The following MAP3K7CL variants were observed in gnomAD, a reference collection of about 807,000 sequenced individuals.
MAP3K7CL encodes the protein MAP3K7 C-terminal-like protein.
Under a neutral mutation model 18.6 loss-of-function variants are expected in MAP3K7CL, and 16 were observed. The observed-to-expected ratio is 0.86, with a 90% CI of 0.58 to 1.31. The LOEUF (loss-of-function observed/expected upper bound fraction) is 1.31. MAP3K7CL is among the 50% of genes most tolerant of loss of function. The pLI is 0.00. For missense variants in MAP3K7CL, 163 were observed against 174.4 expected (o/e 0.93, Z 0.37); for synonymous variants, 65 against 66.8 (o/e 0.97, Z 0.13).
intron 2 of MAP3K7CL, among the ~76,000 whole-genome samples, chr21:29,148,426 T>A (rs1315138858): frequency 6.6e-6 from 1 of 152,088 alleles, no homozygotes; most frequent in Admixed American, 6.6e-5. Context: ...TTGAAGAGAT[T>A]GGGGGTGACT....
intron 4 of MAP3K7CL, among the ~76,000 whole-genome samples, chr21:29,163,326 T>C (rs945370258): frequency 6.6e-6 from 1 of 152,178 alleles, no homozygotes; most frequent in African/African-American, 2.4e-5. Flanking sequence ...ATTGGCTAGA[T>C]GTAGGGCCAA....
At chr21:29,170,553 A>C (rs2087799810) in intron 4 of MAP3K7CL, among the ~76,000 whole-genome samples, 1 of 152,186 alleles carries the variant, frequency 6.6e-6, no homozygotes, top group Non-Finnish European at 1.5e-5. Flanking sequence ...TATATGACAC[A>C]AGTAATTTGA....
At chr21:29,085,750 A>G (rs1217130542), upstream of MAP3K7CL, 17 of 1,009,758 alleles carry the variant, frequency 1.7e-5, no homozygotes, top group Non-Finnish European at 2.7e-5. Context: ...CATGGTTAGT[A>G]TGTTGTTTGA....
intron 2 of MAP3K7CL, among the ~76,000 whole-genome samples, chr21:29,139,682 T>G (rs1389468416): frequency 6.6e-6 from 1 of 152,076 alleles, no homozygotes; most frequent in Non-Finnish European, 1.5e-5. Context: ...CCTCCAGGGT[T>G]CAAGCCATTC....
chr21:29,105,590 C>A (rs1342356836), intron 4 of MAP3K7CL, among the ~76,000 whole-genome samples: 1 of 152,046 alleles, frequency 6.6e-6, no homozygotes, highest in Non-Finnish European at 1.5e-5. Flanking sequence ...GCAAGAGATT[C>A]CAGGCAGTGG....
intron 4 of MAP3K7CL, among the ~76,000 whole-genome samples, chr21:29,170,678 C>G (rs1300867523): frequency 6.6e-6 from 1 of 151,062 alleles, no homozygotes; most frequent in Admixed American, 6.6e-5. Context: ...CTCACTCTGT[C>G]GCCCAGGCAG....
At chr21:29,081,285 C>T (rs1368424982), upstream of MAP3K7CL, among the ~76,000 whole-genome samples, 2 of 152,220 alleles carry the variant, frequency 1.3e-5, no homozygotes, top group East Asian at 1.9e-4. Flanking sequence ...CGTGGTGGCT[C>T]ACGCCTATAA....
At chr21:29,147,688 ATGTG>A (rs2087167626) in intron 2 of MAP3K7CL, among the ~76,000 whole-genome samples, 1 of 151,148 alleles carries the variant, frequency 6.6e-6, no homozygotes, top group African/African-American at 2.4e-5. Flanking sequence ...TTGTATATGT[ATGTG>A]TATGTGTACT....
Position 29,095,085 on chromosome 21 carries a change from G to A in MAP3K7CL, c.370+2504G>A, listed in dbSNP as rs554272075. The stretch of plus-strand genomic sequence containing the variant: ...AAATGAAAGGAAAGGGAAGGGGAGG[G>A]GAAGGGAGCAGAGGAGAGGGGAGGG... On this transcript the variant is annotated intron_variant, in intron 4 of 6. Coordinates refer to the MAP3K7CL transcript ENST00000286791. Among the ~76,000 whole-genome samples, 82 of 149,404 alleles carry A rather than the reference G, an allele frequency of 5.5e-4. 1 individual carries two copies. The highest frequency in any genetic ancestry group is 1.9e-3 in the African/African-American group (78 of 40,554).
At chr21:29,110,660 A>C (rs2086403251) in intron 4 of MAP3K7CL, among the ~76,000 whole-genome samples, 1 of 151,952 alleles carries the variant, frequency 6.6e-6, no homozygotes, top group African/African-American at 2.4e-5. Flanking sequence ...AGTCTCCCAA[A>C]GTGTTGGGAT....
chr21:29,121,599 C>G (rs1034010629), intron 4 of MAP3K7CL, among the ~76,000 whole-genome samples: 1 of 151,934 alleles, frequency 6.6e-6, no homozygotes, highest in African/African-American at 2.4e-5. Context: ...GGAGGATGTC[C>G]AAGTAAAGAC....
At chr21:29,092,314 C>A in intron 3 of MAP3K7CL, 5 of 866,614 alleles carry the variant, frequency 5.8e-6, no homozygotes, top group Admixed American at 2.4e-5. Context: ...CCATTAACAA[C>A]CCTCTCTAAA....
intron 4 of MAP3K7CL, among the ~76,000 whole-genome samples, chr21:29,123,045 AAG>A (rs368192507): frequency 1.8e-5 from 2 of 111,712 alleles, no homozygotes; most frequent in African/African-American, 3.9e-5. Flanking sequence ...AATACTGGAG[AAG>A]AAATGATCTT....
At chr21:29,109,106 T>A (rs566247221) in intron 4 of MAP3K7CL, 59 of 1,535,278 alleles carry the variant, frequency 3.8e-5, no homozygotes, top group Non-Finnish European at 4.7e-5. Context: ...TTCCAAATTA[T>A]GAAGACCACC....
chr21:29,125,920 T>G (rs560733239), upstream of MAP3K7CL, among the ~76,000 whole-genome samples: 1 of 152,294 alleles, frequency 6.6e-6, no homozygotes, highest in East Asian at 1.9e-4. Flanking sequence ...CATGAACCAA[T>G]TGGAAGAGGT....
intron 4 of MAP3K7CL, among the ~76,000 whole-genome samples, chr21:29,166,807 T>C (rs145117548): frequency 6.6e-6 from 1 of 152,368 alleles, no homozygotes; most frequent in Non-Finnish European, 1.5e-5. Flanking sequence ...CATAGGCTAA[T>C]GGACATTTAA....
intron 4 of MAP3K7CL, among the ~76,000 whole-genome samples, chr21:29,094,415 G>A (rs2086084443): frequency 6.6e-6 from 1 of 152,192 alleles, no homozygotes; most frequent in Non-Finnish European, 1.5e-5. Context: ...GAAAGTCTAG[G>A]GTGGGGCCTA....
At chr21:29,153,589 C>T (rs1331538409) in intron 3 of MAP3K7CL, among the ~76,000 whole-genome samples, 1 of 152,144 alleles carries the variant, frequency 6.6e-6, no homozygotes, top group East Asian at 1.9e-4. Context: ...GCTGGGACCA[C>T]AGGTGCATGC....
At chr21:29,112,032 C>T (rs967806042) in intron 4 of MAP3K7CL, among the ~76,000 whole-genome samples, 1 of 152,172 alleles carries the variant, frequency 6.6e-6, no homozygotes, top group Non-Finnish European at 1.5e-5. Context: ...CACGGTGGCT[C>T]ACACCTGTAA....
Sources: gnomAD v4.1 joint callset for allele counts (sites outside exome capture counted in the v4.1 genomes callset) on GRCh38, gnomAD v4.1.1 for gene constraint, MANE v1.5 for transcripts, NCBI Gene and HGNC (gene_info 2026-07-23, HGNC 2026-07-21) for gene names.